The following UBE2L3 variants were observed in gnomAD, a reference collection of about 807,000 sequenced individuals.
The protein encoded by UBE2L3 is ubiquitin-conjugating enzyme E2 L3.
A neutral mutation model predicts 17.8 loss-of-function variants in UBE2L3; 1 was observed. The ratio of observed to expected loss-of-function variants is 0.06; its 90% CI spans 0.02 to 0.27. The LOEUF (loss-of-function observed/expected upper bound fraction) is 0.27. Among genes scored for constraint, UBE2L3 ranks in the 10% least tolerant of loss-of-function variants. UBE2L3 has a pLI of 1.00. For synonymous variants in UBE2L3, 44 were observed against 68.5 expected (o/e 0.64, Z 1.76); for missense variants, 40 against 192.6 (o/e 0.21, Z 4.69).
intron 1 of UBE2L3, among the ~76,000 whole-genome samples, chr22:21,570,629 G>A (rs1279899538): frequency 6.6e-6 from 1 of 152,142 alleles, no homozygotes; most frequent in Non-Finnish European, 1.5e-5. Context: ...AGGATGGAAA[G>A]GCTTTCAGTT....
chr22:21,564,037 CTTTTT>C (rs131661), upstream of UBE2L3, among the ~76,000 whole-genome samples: 1 of 138,112 alleles, frequency 7.2e-6, no homozygotes, highest in Non-Finnish European at 1.6e-5. Context: ...TTCTTTCTTT[CTTTTT>C]TTTTTTTTTT....
intron 2 of UBE2L3, among the ~76,000 whole-genome samples, chr22:21,595,639 A>G (rs1441154291): frequency 6.6e-6 from 1 of 152,202 alleles, no homozygotes; most frequent in Admixed American, 6.5e-5. Context: ...ACTCTGGTCT[A>G]TTCCCTTTAA....
At chr22:21,600,173 C>A (rs189479689) in intron 2 of UBE2L3, among the ~76,000 whole-genome samples, 4 of 151,870 alleles carry the variant, frequency 2.6e-5, no homozygotes, top group Admixed American at 2.6e-4. Flanking sequence ...ATTAGCCGGG[C>A]CTGGTGGTGG....
chr22:21,608,175 T>C (rs1239855511), intron 2 of UBE2L3, among the ~76,000 whole-genome samples: 2 of 152,216 alleles, frequency 1.3e-5, no homozygotes, highest in Non-Finnish European at 2.9e-5. Context: ...GAACTCTCGC[T>C]CTTTCCTGGT....
chr22:21,589,691 A>G (rs1928154452), intron 1 of UBE2L3, among the ~76,000 whole-genome samples: 1 of 152,168 alleles, frequency 6.6e-6, no homozygotes, highest in African/African-American at 2.4e-5. Context: ...CTACTATGGT[A>G]TGCTCATCAT....
intron 2 of UBE2L3, among the ~76,000 whole-genome samples, chr22:21,604,705 A>G (rs943473976): frequency 2.6e-4 from 39 of 152,284 alleles, no homozygotes; most frequent in Admixed American, 2.6e-3. Context: ...GTAGAGCTGT[A>G]GGCCTTTACC....
At chr22:21,582,898 A>AC (rs972298913) in intron 1 of UBE2L3, among the ~76,000 whole-genome samples, 1 of 152,120 alleles carries the variant, frequency 6.6e-6, no homozygotes, top group African/African-American at 2.4e-5. Context: ...TCAGAAAGGT[A>AC]CCCATCTTGT....
At chr22:21,607,977 C>A (rs746168382) in intron 2 of UBE2L3, among the ~76,000 whole-genome samples, 1 of 152,226 alleles carries the variant, frequency 6.6e-6, no homozygotes, top group Non-Finnish European at 1.5e-5. Flanking sequence ...TCTGGTACAA[C>A]TCTACTTGTA....
At chr22:21,561,619 G>T (rs1424852519) in intron 1 of UBE2L3, among the ~76,000 whole-genome samples, 2 of 152,290 alleles carry the variant, frequency 1.3e-5, no homozygotes, top group African/African-American at 4.8e-5. Context: ...CTTCCTGTCA[G>T]CTTACCTAAG....
intron 1 of UBE2L3, among the ~76,000 whole-genome samples, chr22:21,561,092 C>T (rs1433603084): frequency 6.6e-6 from 1 of 152,214 alleles, no homozygotes; most frequent in Non-Finnish European, 1.5e-5. Flanking sequence ...ATCTAAGCCC[C>T]CTCAGGACTT....
chr22:21,571,604 G>T (rs1449102690), intron 1 of UBE2L3, among the ~76,000 whole-genome samples: 2 of 152,116 alleles, frequency 1.3e-5, no homozygotes, highest in Admixed American at 6.5e-5. Context: ...GTTTCACCAT[G>T]TTTGCCATGC....
In UBE2L3 at chr22:21,587,178, G is replaced by A. The variant is rs1040122908; in HGVS notation, c.28-5683G>A. Among the ~76,000 whole-genome samples, 5 of 151,582 alleles carry A rather than the reference G, an allele frequency of 3.3e-5. No homozygotes were observed. The East Asian group carries it at 5.8e-4, about 18-fold the overall frequency. ...TGGGATTACAGGCATGAACCACCACGCCTGGCGCTGGCATAGATTCCTTTT... is the reference window on the plus strand; with the variant it reads ...TGGGATTACAGGCATGAACCACCACACCTGGCGCTGGCATAGATTCCTTTT... On this transcript the variant is annotated intron_variant, in intron 1 of 3. Transcript: ENST00000342192.
chr22:21,593,084 G>A, intron 2 of UBE2L3, 128 bp downstream of exon 2: 3 of 753,484 alleles, frequency 4.0e-6, no homozygotes, highest in Non-Finnish European at 4.6e-6. Context: ...AGAAGTGGCT[G>A]TCGCTCTAGG....
intron 1 of UBE2L3, among the ~76,000 whole-genome samples, chr22:21,582,686 C>T (rs949562958): frequency 6.6e-6 from 1 of 152,028 alleles, no homozygotes; most frequent in Non-Finnish European, 1.5e-5. Flanking sequence ...CCACCACGCC[C>T]AGTTAATTTT....
chr22:21,578,970 TTTA>T (rs1927474986), intron 1 of UBE2L3, among the ~76,000 whole-genome samples: 1 of 96,344 alleles, frequency 1.0e-5, no homozygotes, highest in African/African-American at 3.1e-5. Flanking sequence ...GTATTATTTA[TTTA>T]TTTATTTATT....
rs35054754 is a variant in UBE2L3, at chr22:21,597,775, A to ATTTTTTTTTTTTTTTTTTTT, written c.123+4832_123+4851dup. Among the ~76,000 whole-genome samples, 13 of 25,600 alleles carry ATTTTTTTTTTTTTTTTTTTT rather than the reference A, an allele frequency of 5.1e-4. 3 individuals carry two copies. The highest frequency in any genetic ancestry group is 1.1e-3 in the East Asian group (1 of 894). 16.8% of individuals were successfully genotyped at this position (25,600 alleles called of 152,430 possible). On this transcript the variant is annotated intron_variant, in intron 2 of 3. Coordinates refer to ENST00000342192, the MANE Select transcript of UBE2L3 (RefSeq NM_003347.4). ...GGATCTTTGATCCATTTATATGTAG[A>ATTTTTTTTTTTTTTTTTTTT]TTTTTTTTTTTTTTTTTTTTTTTTT...
intron 3 of UBE2L3, among the ~76,000 whole-genome samples, chr22:21,612,857 G>A (rs977802947): frequency 1.8e-4 from 27 of 150,994 alleles, no homozygotes; most frequent in African/African-American, 6.1e-4. Flanking sequence ...GGCTGGTCTC[G>A]AACTCCTGAC....
In UBE2L3 at chr22:21,579,509, G is replaced by A. The variant is rs943287358; in HGVS notation, c.27+11738G>A. 1.1e-4 allele frequency among the ~76,000 whole-genome samples: 17 copies of A among 152,254 alleles called. 1 individual carries two copies. Among genetic ancestry groups the A allele is most frequent in the Middle Eastern group, 3.4e-3 (1 of 294 alleles). On this transcript the variant is annotated intron_variant, in intron 1 of 3. Coordinates refer to ENST00000342192, the MANE Select transcript of UBE2L3 (RefSeq NM_003347.4). ...TTAGTGGCCAGGCACGGTGGCTCAT[G>A]CCTATAATCCCAGCACTTAGGAAGG... is the stretch of plus-strand genomic sequence containing the variant.
chr22:21,609,052 G>A (rs1929333509), intron 2 of UBE2L3, among the ~76,000 whole-genome samples: 1 of 151,978 alleles, frequency 6.6e-6, no homozygotes, highest in African/African-American at 2.4e-5. Flanking sequence ...CCACCACCAC[G>A]TCCAGCTAAT....
Sources: gnomAD v4.1 joint callset for allele counts (sites outside exome capture counted in the v4.1 genomes callset) on GRCh38, gnomAD v4.1.1 for gene constraint, MANE v1.5 for transcripts, NCBI Gene and HGNC (gene_info 2026-07-23, HGNC 2026-07-21) for gene names.